RGS3: variants seen among roughly 807,000 people sequenced by gnomAD.
The protein encoded by RGS3 is regulator of G-protein signalling 3.
In RGS3, 80 loss-of-function variants were observed where a neutral mutation model predicts 132.6. The observed-to-expected ratio is 0.60, with a 90% CI of 0.50 to 0.73. The LOEUF (loss-of-function observed/expected upper bound fraction) is 0.73. RGS3 is among the 30% of genes least tolerant of loss of function. The pLI is 0.00. For synonymous variants in RGS3, 598 were observed against 620.6 expected (o/e 0.96, Z 0.54); for missense variants, 1,382 against 1,530.8 (o/e 0.90, Z 1.62).
At chr9:113,584,468 G>A (rs1835019214) in intron 20 of RGS3, 41 bp downstream of exon 18, 1 of 1,491,782 alleles carries the variant, frequency 6.7e-7, no homozygotes, top group Admixed American at 2.3e-5. Context: ...TACATGCAAT[G>A]TGGGGAGGGC....
chr9:113,462,388 G>A (rs2119160865), intron 3 of RGS3, among the ~76,000 whole-genome samples: 1 of 152,322 alleles, frequency 6.6e-6, no homozygotes, highest in African/African-American at 2.4e-5. Context: ...GCATTTATGT[G>A]ATTTATCACC....
At chr9:113,451,204 G>T (rs1252115246) in intron 1 of RGS3, among the ~76,000 whole-genome samples, 3 of 150,250 alleles carry the variant, frequency 2.0e-5, no homozygotes, top group Admixed American at 6.6e-5. Context: ...AAAAAAAAAG[G>T]TGGGGGCAGG....
chr9:113,511,709 T>G (rs1831412719), intron 14 of RGS3, among the ~76,000 whole-genome samples: 1 of 152,144 alleles, frequency 6.6e-6, no homozygotes, highest in African/African-American at 2.4e-5. Flanking sequence ...AAGAAATCAA[T>G]TTTTTAAGAA....
At chr9:113,476,746 C>T (rs1322090321) in intron 3 of RGS3, among the ~76,000 whole-genome samples, 1 of 152,246 alleles carries the variant, frequency 6.6e-6, no homozygotes, top group Non-Finnish European at 1.5e-5. Context: ...CAGGCACCTG[C>T]CCAGCCTCGT....
Position 113,591,071 on chromosome 9 carries a change from G to A in RGS3, c.3016-262G>A, listed in dbSNP as rs750507116. 4.6e-5 allele frequency among the ~76,000 whole-genome samples: 7 copies of A among 152,208 alleles called. No individual in the cohort carries two copies. The highest frequency in any genetic ancestry group is 1.3e-4 in the Admixed American group (2 of 15,282). On this transcript the variant is annotated intron_variant, in intron 20 of 24. Transcript: ENST00000350696. The surrounding 1 kb of genome is among the most constrained non-coding windows in gnomAD (Gnocchi z 4.4). ...GAAGCCTCTGTCCTGAGTGCCAGCC[G>A]TCTGGCTTCTCCCCAGTGAGCTGGG...
At chr9:113,493,022 C>T (rs2119263647) in intron 7 of RGS3, among the ~76,000 whole-genome samples, 1 of 152,298 alleles carries the variant, frequency 6.6e-6, no homozygotes, top group South Asian at 2.1e-4. Context: ...TTCAGCCCTA[C>T]CCAGTAGGAA....
At chr9:113,550,446 C>G (rs559680894) in intron 19 of RGS3, among the ~76,000 whole-genome samples, 30 of 152,298 alleles carry the variant, frequency 2.0e-4, no homozygotes, top group African/African-American at 6.5e-4. Context: ...GTTTCTGGGT[C>G]AAAGGTTATA....
intron 22 of RGS3, 58 bp downstream of exon 20, chr9:113,594,589 T>G (rs1355701327): frequency 7.2e-7 from 1 of 1,388,666 alleles, no homozygotes; most frequent in Non-Finnish European, 1.0e-6. Context: ...CCCCGGGGAG[T>G]AGGACTGAGT....
At chr9:113,451,992 C>T (rs1301338982) in intron 1 of RGS3, among the ~76,000 whole-genome samples, 3 of 151,670 alleles carry the variant, frequency 2.0e-5, no homozygotes, top group African/African-American at 7.3e-5. Flanking sequence ...TTTTCTTTTT[C>T]TTCTTTTTGT....
At chr9:113,586,487 C>T (rs1226547856) in intron 20 of RGS3, among the ~76,000 whole-genome samples, 1 of 152,248 alleles carries the variant, frequency 6.6e-6, no homozygotes, top group African/African-American at 2.4e-5. Flanking sequence ...TCAGCTTCCT[C>T]CTTTGGGTGC....
chr9:113,535,141 A>G (rs1438728745), intron 18 of RGS3, among the ~76,000 whole-genome samples: 1 of 152,000 alleles, frequency 6.6e-6, no homozygotes, highest in Non-Finnish European at 1.5e-5. Context: ...TGCTCAATAA[A>G]TAGTTATTTT....
upstream of RGS3, among the ~76,000 whole-genome samples, chr9:113,457,165 C>T (rs2119151843): frequency 6.6e-6 from 1 of 152,302 alleles, no homozygotes; most frequent in East Asian, 1.9e-4. Context: ...TCTAAGTTCC[C>T]TGCCACATTT....
At chr9:113,514,714 T>C in intron 15 of RGS3, 60 bp downstream of exon 13, 1 of 1,549,476 alleles carries the variant, frequency 6.5e-7, no homozygotes, top group African/African-American at 1.4e-5. Context: ...AGGAGGGCCC[T>C]TGCCCCAGGA....
chr9:113,473,018 G>T (rs1829882473), intron 3 of RGS3, among the ~76,000 whole-genome samples: 1 of 152,156 alleles, frequency 6.6e-6, no homozygotes, highest in Non-Finnish European at 1.5e-5. Flanking sequence ...TCCAGCCTGG[G>T]CGACAGAGTG....
chr9:113,494,018 C>T lies in RGS3; in HGVS notation c.690-1768C>T, dbSNP rs564705273. ...TCCTTCAGCTATTGAAGCCAGCCTC[C>T]AGGGTTATGCTCCAGCCTAAATATC... On this transcript the variant is annotated intron_variant, in intron 7 of 24. Transcript: ENST00000350696. 2.6e-5 allele frequency among the ~76,000 whole-genome samples: 4 copies of T among 152,184 alleles called. No homozygotes were observed. The South Asian group carries it at 8.3e-4, about 32-fold the overall frequency.
chr9:113,454,822 T>G (rs1236687172), intron 1 of RGS3, among the ~76,000 whole-genome samples: 1 of 152,068 alleles, frequency 6.6e-6, no homozygotes, highest in African/African-American at 2.4e-5. Context: ...TCCACTCTGG[T>G]TGATGAGCTT....
At chr9:113,483,400 G>C (rs1830226489) in intron 5 of RGS3, among the ~76,000 whole-genome samples, 1 of 152,324 alleles carries the variant, frequency 6.6e-6, no homozygotes, top group South Asian at 2.1e-4. Flanking sequence ...AAATCCACAG[G>C]TAATCCCAAG....
chr9:113,510,345 G>A (rs1433548754), intron 14 of RGS3, among the ~76,000 whole-genome samples: 4 of 152,236 alleles, frequency 2.6e-5, no homozygotes, highest in African/African-American at 9.6e-5. Context: ...TTAGGTTAGA[G>A]TGGAGATGCT....
intron 10 of RGS3, 81 bp from the exon 9 acceptor site, chr9:113,505,361 G>T: frequency 8.0e-7 from 1 of 1,248,500 alleles, no homozygotes; most frequent in Non-Finnish European, 1.2e-6. Context: ...CTTGGCAGGG[G>T]TGGGCTGTGG....
Sources: allele counts gnomAD v4.1 joint callset (sites outside exome capture counted in the v4.1 genomes callset), GRCh38; gene constraint gnomAD v4.1.1; non-coding constraint Gnocchi (gnomAD v3.1); transcripts MANE v1.5; gene names NCBI Gene and HGNC (gene_info 2026-07-23, HGNC 2026-07-21).